Variants in GRAMD1B observed in about 807,000 individuals in gnomAD.
GRAMD1B encodes GRAM domain containing 1B, also known as protein Aster-B.
A neutral mutation model predicts 99.7 loss-of-function variants in GRAMD1B; 37 were observed. The ratio of observed to expected loss-of-function variants is 0.37; its 90% CI spans 0.29 to 0.49. The LOEUF (loss-of-function observed/expected upper bound fraction) is 0.49, where lower values mean the gene tolerates loss of function less well. Ranked by LOEUF, GRAMD1B falls within the 20% of genes least tolerant of loss-of-function variation. GRAMD1B has a pLI of 0.98. For missense variants in GRAMD1B, 888 were observed against 1,009.2 expected (o/e 0.88, Z 1.63); for synonymous variants, 427 against 387.6 (o/e 1.10, Z -1.19).
intron 2 of GRAMD1B, among the ~76,000 whole-genome samples, chr11:123,504,117 C>T (rs574316978): frequency 5.3e-5 from 8 of 152,224 alleles, no homozygotes; most frequent in East Asian, 1.9e-4. Flanking sequence ...TTGCTTGTTG[C>T]GGGGGCGGTC....
chr11:123,519,616 C>T (rs1006954671), intron 2 of GRAMD1B, among the ~76,000 whole-genome samples: 15 of 152,226 alleles, frequency 9.9e-5, no homozygotes, highest in African/African-American at 3.4e-4. Flanking sequence ...CCCCAGATTT[C>T]CCAGCAACTA....
At chr11:123,488,431 T>G (rs1462036390) in intron 2 of GRAMD1B, among the ~76,000 whole-genome samples, 2 of 152,198 alleles carry the variant, frequency 1.3e-5, no homozygotes, top group Non-Finnish European at 2.9e-5. Flanking sequence ...ATGGAAAACC[T>G]GTGGCCTGGC....
intron 2 of GRAMD1B, among the ~76,000 whole-genome samples, chr11:123,490,189 A>T (rs1938391473): frequency 6.6e-6 from 1 of 152,230 alleles, no homozygotes; most frequent in African/African-American, 2.4e-5. Flanking sequence ...AGGACATAGT[A>T]CCAGGCAAAG....
intron 2 of GRAMD1B, among the ~76,000 whole-genome samples, chr11:123,486,563 A>AG (rs1937806438): frequency 6.9e-6 from 1 of 145,456 alleles, no homozygotes; most frequent in Non-Finnish European, 1.5e-5. Flanking sequence ...AGAAAAAAAA[A>AG]AAAAAACAAA....
chr11:123,568,186 T>C (rs1306156322), intron 2 of GRAMD1B, among the ~76,000 whole-genome samples: 1 of 151,914 alleles, frequency 6.6e-6, no homozygotes, highest in Non-Finnish European at 1.5e-5. Context: ...TTGTTGCCCA[T>C]AGGAAGTGCC....
chr11:123,483,021 A>G (rs925825390), intron 2 of GRAMD1B, among the ~76,000 whole-genome samples: 3 of 150,188 alleles, frequency 2.0e-5, no homozygotes, highest in Non-Finnish European at 3.0e-5. Context: ...GTGCCACTGC[A>G]CTCCAGATTG....
chr11:123,619,526 T>G (rs1021979563), intron 19 of GRAMD1B: 7 of 1,201,568 alleles, frequency 5.8e-6, no homozygotes, highest in Non-Finnish European at 7.4e-6. Context: ...CATAACCATC[T>G]GACAGGCATT....
At chr11:123,534,227 G>A (rs555333097) in intron 2 of GRAMD1B, among the ~76,000 whole-genome samples, 1 of 152,306 alleles carries the variant, frequency 6.6e-6, no homozygotes, top group Admixed American at 6.5e-5. Flanking sequence ...AAAAGAAAAT[G>A]TTAAGAAAGT....
At chr11:123,497,941 A>G (rs1280416858) in intron 2 of GRAMD1B, among the ~76,000 whole-genome samples, 3 of 150,926 alleles carry the variant, frequency 2.0e-5, no homozygotes, top group Non-Finnish European at 4.4e-5. Flanking sequence ...AAGCTGGCAT[A>G]TAAACCACAA....
At chr11:123,422,034 C>T (rs553635082) in intron 1 of GRAMD1B, among the ~76,000 whole-genome samples, 9 of 152,214 alleles carry the variant, frequency 5.9e-5, no homozygotes, top group African/African-American at 1.9e-4. Context: ...TACAAAAAGA[C>T]GTTGTAGATT....
intron 2 of GRAMD1B, among the ~76,000 whole-genome samples, chr11:123,531,496 A>T (rs2135549162): frequency 6.6e-6 from 1 of 152,358 alleles, no homozygotes; most frequent in South Asian, 2.1e-4. Flanking sequence ...TGCAGATCAG[A>T]TTATGAGTAC....
rs549375170 is a variant in GRAMD1B, at chr11:123,525,954, G to C, written c.452+45061G>C. The stretch of plus-strand genomic sequence containing the variant: ...CCAAGCCCAGCTTTCAGCTGGGAGA[G>C]GGGGAAGAAGGGGCAGTGGCAGCAG... On this transcript the variant is annotated intron_variant, in intron 2 of 19. Transcript: ENST00000635736. 20 of 594,488 alleles carry C rather than the reference G, an allele frequency of 3.4e-5. No homozygotes were observed. In the South Asian group the frequency reaches 4.1e-4, roughly 12 times the overall value. 36.8% of individuals were successfully genotyped at this position (594,488 alleles called of 1,614,324 possible). A position where few individuals can be genotyped will look rare whatever the true frequency, so the allele number is the denominator to read the frequency against.
intron 1 of GRAMD1B, among the ~76,000 whole-genome samples, chr11:123,401,782 G>A (rs1232415852): frequency 6.6e-6 from 1 of 152,152 alleles, no homozygotes; most frequent in African/African-American, 2.4e-5. Flanking sequence ...GGTGGCATGT[G>A]CCGGCAGTCC....
chr11:123,481,431 G>T (rs1452436956), intron 2 of GRAMD1B, among the ~76,000 whole-genome samples: 1 of 151,720 alleles, frequency 6.6e-6, no homozygotes, highest in African/African-American at 2.4e-5. Flanking sequence ...TCCAGCCTGG[G>T]CAACAGAGGG....
intron 1 of GRAMD1B, among the ~76,000 whole-genome samples, chr11:123,456,625 A>G (rs1203110629): frequency 6.6e-6 from 1 of 152,098 alleles, no homozygotes; most frequent in Non-Finnish European, 1.5e-5. Context: ...AAATACAGAA[A>G]ATAACCAGGT....
intron 1 of GRAMD1B, among the ~76,000 whole-genome samples, chr11:123,416,430 T>C (rs1948235072): frequency 6.6e-6 from 1 of 152,220 alleles, no homozygotes; most frequent in Non-Finnish European, 1.5e-5. Flanking sequence ...ATAATAATGA[T>C]ATGATAAAGA....
intron 2 of GRAMD1B, among the ~76,000 whole-genome samples, chr11:123,551,368 CAT>C (rs2135861003): frequency 6.6e-6 from 1 of 152,266 alleles, no homozygotes; most frequent in African/African-American, 2.4e-5. Context: ...AAAGGAGTAT[CAT>C]GCCCAGGCGA....
chr11:123,485,056 T>A (rs1412224188), intron 2 of GRAMD1B, among the ~76,000 whole-genome samples: 2 of 152,212 alleles, frequency 1.3e-5, no homozygotes, highest in Admixed American at 1.3e-4. Flanking sequence ...TGCAGTCATC[T>A]TCTTTACTCT....
rs181677785 is a variant in GRAMD1B, at chr11:123,601,396, A to T, written c.1050+848A>T. Among the ~76,000 whole-genome samples, 750 of 152,014 alleles carry T rather than the reference A, an allele frequency of 4.9e-3. 8 individuals carry two copies. Among genetic ancestry groups the T allele is most frequent in the African/African-American group, 0.017 (719 of 41,498 alleles). On this transcript the variant is annotated intron_variant, in intron 8 of 19. Coordinates refer to ENST00000635736, the MANE Select transcript of GRAMD1B (RefSeq NM_001387025.1). ...CAAGACCCTGTTTCAATTAAAAAAA[A>T]AAAAAGTTCCCACTCAGATGCAGTT... is the stretch of plus-strand genomic sequence containing the variant.
Sources: allele counts gnomAD v4.1 joint callset (sites outside exome capture counted in the v4.1 genomes callset), GRCh38; gene constraint gnomAD v4.1.1; transcripts MANE v1.5; gene names NCBI Gene and HGNC (gene_info 2026-07-23, HGNC 2026-07-21).